The following KCNMA1 variants were observed in gnomAD, a reference collection of about 807,000 sequenced individuals.
KCNMA1 encodes the protein potassium calcium-activated channel subfamily M alpha 1.
KCNMA1 carries 29 observed loss-of-function variants against 140.0 expected under a neutral mutation model. The observed-to-expected ratio is 0.21, with a 90% CI of 0.15 to 0.28. The LOEUF is 0.28. Among genes scored for constraint, KCNMA1 ranks in the 10% least tolerant of loss-of-function variants. The pLI is 1.00. For missense variants in KCNMA1, 880 were observed against 1,602.2 expected (o/e 0.55, Z 7.70); for synonymous variants, 612 against 611.9 (o/e 1.00, Z 0.00).
At chr10:77,415,983 T>G (rs1433670082) in intron 1 of KCNMA1, among the ~76,000 whole-genome samples, 1 of 151,426 alleles carries the variant, frequency 6.6e-6, no homozygotes, top group Non-Finnish European at 1.5e-5. Flanking sequence ...GACAGTTTCT[T>G]TTTTTATGTT....
chr10:77,372,721 A>G (rs35775), intron 2 of KCNMA1: 124,682 of 152,144 alleles, frequency 0.82, 51,394 homozygotes, highest in African/African-American at 0.9. Flanking sequence ...GGAGAAGGCA[A>G]GTATTATGGC....
chr10:77,252,525 TTGTGTGTGTGTG>T (rs139774027), intron 2 of KCNMA1, among the ~76,000 whole-genome samples: 1 of 145,728 alleles, frequency 6.9e-6, no homozygotes, highest in African/African-American at 2.6e-5. Context: ...TGATCAAGCT[TTGTGTGTGTGTG>T]TGTGTGTGTG....
intron 2 of KCNMA1, among the ~76,000 whole-genome samples, chr10:77,401,418 G>A (rs1012266288): frequency 3.3e-5 from 5 of 152,114 alleles, no homozygotes; most frequent in Admixed American, 3.3e-4. Context: ...GCCTCCCAAA[G>A]TGCTGGGATT....
intron 1 of KCNMA1, chr10:77,587,719 G>T (rs1466175682): frequency 5.1e-6 from 5 of 985,292 alleles, no homozygotes; most frequent in Non-Finnish European, 6.0e-6. Flanking sequence ...GCCCTGCTTT[G>T]CAGAGGCTGT....
At position 76,991,273 on chromosome 10, in the gene KCNMA1, G is replaced by T. The variant is rs2082679768; in HGVS notation, c.2266+10134C>A. On this transcript the variant is annotated intron_variant, in intron 19 of 27. Coordinates refer to ENST00000286628, the MANE Select transcript of KCNMA1 (RefSeq NM_001161352.2). ...AAGTCCTTGATTTTCCAGAGCAAAT[G>T]CTCTATATGTGGTAGTAACCCTGCC... Among the ~76,000 whole-genome samples, 3 of 152,194 alleles carry T rather than the reference G, an allele frequency of 2.0e-5. No individual in the cohort carries two copies. The South Asian group carries it at 6.2e-4, about 31-fold the overall frequency.
intron 5 of KCNMA1, among the ~76,000 whole-genome samples, chr10:77,167,634 T>C (rs1339197741): frequency 6.6e-6 from 1 of 151,984 alleles, no homozygotes; most frequent in African/African-American, 2.4e-5. Flanking sequence ...GGTAAGACAG[T>C]GATGCATCCA....
At chr10:77,547,450 G>C (rs570072997) in intron 1 of KCNMA1, among the ~76,000 whole-genome samples, 4 of 152,170 alleles carry the variant, frequency 2.6e-5, no homozygotes, top group African/African-American at 9.7e-5. Context: ...AGGAAGACAG[G>C]GAGGGAGGGC....
chr10:77,563,360 TG>T (rs59468584), intron 1 of KCNMA1, among the ~76,000 whole-genome samples: 23,754 of 152,074 alleles, frequency 0.16, 2,644 homozygotes, highest in East Asian at 0.52. Flanking sequence ...GCAGGATGGT[TG>T]GGCCTGAAGC....
At chr10:77,579,519 T>C (rs142301180) in intron 1 of KCNMA1, among the ~76,000 whole-genome samples, 81 of 152,344 alleles carry the variant, frequency 5.3e-4, no homozygotes, top group Non-Finnish European at 1.1e-3. Flanking sequence ...CATGTTCATA[T>C]GTCGAAAATA....
intron 5 of KCNMA1, among the ~76,000 whole-genome samples, chr10:77,137,335 A>G (rs933473346): frequency 3.3e-5 from 5 of 152,210 alleles, no homozygotes; most frequent in African/African-American, 4.8e-5. Context: ...AAAGGTTCCA[A>G]TAAACGTCTG....
At chr10:76,887,628 A>G in intron 27 of KCNMA1, 113 bp from the exon 28 acceptor site, 1 of 1,214,068 alleles carries the variant, frequency 8.2e-7, no homozygotes, top group Non-Finnish European at 1.2e-6. Flanking sequence ...AGGATCTGGA[A>G]GATGCACTCC....
intron 2 of KCNMA1, chr10:77,315,371 CT>C (rs1421076688): frequency 1.3e-5 from 2 of 152,152 alleles, no homozygotes; most frequent in Non-Finnish European, 2.9e-5. Flanking sequence ...ACAGAGCATG[CT>C]GATAACTATT....
At chr10:77,330,431 C>T (rs1245161573) in intron 2 of KCNMA1, among the ~76,000 whole-genome samples, 1 of 152,158 alleles carries the variant, frequency 6.6e-6, no homozygotes, top group East Asian at 1.9e-4. Context: ...CATTGCCTTG[C>T]TCCTTGGAAG....
intron 1 of KCNMA1, among the ~76,000 whole-genome samples, chr10:77,618,808 G>A (rs556357363): frequency 3.3e-4 from 50 of 152,298 alleles, no homozygotes; most frequent in Non-Finnish European, 1.0e-4. Context: ...GACGAACACC[G>A]TACATAGGGA....
At chr10:77,077,617 A>C (rs2096439609) in intron 13 of KCNMA1, among the ~76,000 whole-genome samples, 1 of 152,220 alleles carries the variant, frequency 6.6e-6, no homozygotes, top group Non-Finnish European at 1.5e-5. Flanking sequence ...CTAAACATAC[A>C]ACATTAATTT....
At chr10:76,948,609 A>G (rs1249590382) in intron 22 of KCNMA1, among the ~76,000 whole-genome samples, 1 of 152,180 alleles carries the variant, frequency 6.6e-6, no homozygotes, top group Non-Finnish European at 1.5e-5. Context: ...ACACACAAAC[A>G]CAACCATGAA....
intron 5 of KCNMA1, among the ~76,000 whole-genome samples, chr10:77,176,089 G>A (rs895177417): frequency 6.6e-6 from 1 of 152,188 alleles, no homozygotes; most frequent in Non-Finnish European, 1.5e-5. Flanking sequence ...AGCCAAGCAG[G>A]TGGCCTTGGG....
At chr10:77,011,895 A>G (rs1198500634) in intron 18 of KCNMA1, 72 bp downstream of exon 18, 2 of 1,312,166 alleles carry the variant, frequency 1.5e-6, no homozygotes, top group African/African-American at 1.5e-5. Context: ...CTCTAATAAG[A>G]AAAGGGAAGG....
intron 16 of KCNMA1, 67 bp downstream of exon 16, chr10:77,027,756 G>C: frequency 7.9e-7 from 1 of 1,263,714 alleles, no homozygotes; most frequent in Non-Finnish European, 1.2e-6. Context: ...GAAGTGAACC[G>C]ACCGTTCTCA....
Sources: gnomAD v4.1 joint callset for allele counts (sites outside exome capture counted in the v4.1 genomes callset) on GRCh38, gnomAD v4.1.1 for gene constraint, MANE v1.5 for transcripts, NCBI Gene and HGNC (gene_info 2026-07-23, HGNC 2026-07-21) for gene names.